Variants in LIN54 observed in about 807,000 individuals in gnomAD.
LIN54 encodes lin-54 DREAM MuvB core complex component, also known as protein lin-54 homolog.
A neutral mutation model predicts 78.7 loss-of-function variants in LIN54; 9 were observed. The ratio of observed to expected loss-of-function variants is 0.11; its 90% CI spans 0.07 to 0.20. The LOEUF (loss-of-function observed/expected upper bound fraction) is 0.20. Ranked by LOEUF, LIN54 falls within the 10% of genes least tolerant of loss-of-function variation. LIN54 has a pLI of 1.00. For missense variants in LIN54, 573 were observed against 889.9 expected, an observed-to-expected ratio of 0.64 and a Z score of 4.53; for synonymous variants, 269 against 318.4, an observed-to-expected ratio of 0.84 and a Z score of 1.65.
chr4:82,989,880 C>T (rs1360181178), intron 1 of LIN54, among the ~76,000 whole-genome samples: 4 of 152,182 alleles, frequency 2.6e-5, no homozygotes, highest in East Asian at 1.9e-4. Context: ...GCTTTGAGGG[C>T]TCCTTAACTC....
chr4:82,986,069 C>T lies in LIN54; in HGVS notation c.-32-1193G>A, dbSNP rs938326937. 4.1e-4 allele frequency among the ~76,000 whole-genome samples: 63 copies of T among 152,014 alleles called. 1 individual carries two copies. The highest frequency in any genetic ancestry group is 4.1e-3 in the Admixed American group (63 of 15,252). On this transcript the variant is annotated intron_variant, in intron 1 of 12. Transcript: ENST00000340417. ...GACTAAATAGCAGTGAGTTATTTGC[C>T]CAGAGAACATCAAAGATCCATAGGA...
In LIN54 at chr4:82,946,349, A is replaced by G. The variant is rs1328025661; in HGVS notation, c.1077T>C (p.His359=). Residue 359 remains histidine (H), a synonymous_variant, in exon 5 of 13, where the codon CAT becomes CAC. Coordinates refer to ENST00000340417, the MANE Select transcript of LIN54 (RefSeq NM_194282.4). The stretch of plus-strand genomic sequence containing the variant: ...ATGTGGCAGTAACAAGTCGGACATA[A>G]TGAAACTTGCTTCCAGGCACTTGAA... The part of the protein sequence containing the change: ...QQIQVPGSKF[H]YVRLVTATSA... 3 of 1,614,088 alleles carry G rather than the reference A, an allele frequency of 1.9e-6. No homozygotes were observed. The highest frequency in any genetic ancestry group is 2.5e-6 in the Non-Finnish European group (3 of 1,180,034).
upstream of LIN54, chr4:83,012,662 G>C (rs898559655): frequency 1.3e-5 from 2 of 151,962 alleles, no homozygotes; most frequent in African/African-American, 4.8e-5. Flanking sequence ...TCCCCGCCAA[G>C]GCCCACCGGC....
At chr4:82,991,083 G>A (rs998755291) in intron 1 of LIN54, among the ~76,000 whole-genome samples, 3 of 150,466 alleles carry the variant, frequency 2.0e-5, no homozygotes, top group Non-Finnish European at 4.4e-5. Flanking sequence ...ATCGCTTGAG[G>A]CCAGAAGTTC....
chr4:82,943,573 T>C (rs1723109607), intron 5 of LIN54, among the ~76,000 whole-genome samples: 2 of 152,122 alleles, frequency 1.3e-5, no homozygotes, highest in Admixed American at 6.5e-5. Flanking sequence ...AGATCTTTTA[T>C]GGGACAGGAG....
intron 1 of LIN54, among the ~76,000 whole-genome samples, chr4:82,999,040 GCCA>G (rs1170822988): frequency 2.0e-5 from 3 of 152,124 alleles, no homozygotes; most frequent in Non-Finnish European, 4.4e-5. Context: ...TAATATTGTA[GCCA>G]CCTCCTGTTG....
intron 1 of LIN54, among the ~76,000 whole-genome samples, chr4:82,997,984 A>C (rs989847697): frequency 1.2e-5 from 1 of 83,088 alleles, no homozygotes; most frequent in African/African-American, 4.8e-5. Context: ...AGAAGAGTGA[A>C]ACTCCATCTC....
intron 4 of LIN54, among the ~76,000 whole-genome samples, chr4:82,961,900 G>A (rs187186742): frequency 1.3e-3 from 192 of 150,948 alleles, no homozygotes; most frequent in African/African-American, 4.6e-3. Context: ...AGGTTGCAGT[G>A]AGCCAAGATG....
rs1240173253 is a variant in LIN54 at position 82,938,518 on chromosome 4, A to C, written c.1441-14T>G. On this transcript the variant is annotated splice_polypyrimidine_tract_variant and intron_variant, in intron 7 of 12. Transcript: ENST00000340417. Reference sequence around the variant, plus strand: ...AGACTGCTGTAGCTACATGTAAAGAAAATTAATTTTAGATCATATTTCCAA... The same window carrying C: ...AGACTGCTGTAGCTACATGTAAAGACAATTAATTTTAGATCATATTTCCAA... The C allele has an allele frequency of 6.7e-7, 1 of 1,491,688 alleles. No individual in the cohort carries two copies. The highest frequency in any genetic ancestry group is 1.7e-5 in the Admixed American group (1 of 57,528). The allele number at this position is 1,491,688 out of a possible 1,614,324, so 92.4% of individuals were successfully genotyped here. A position where few individuals can be genotyped will look rare whatever the true frequency, so the allele number is the denominator to read the frequency against.
chr4:82,975,009 G>A (rs1726044900), intron 3 of LIN54, among the ~76,000 whole-genome samples: 1 of 152,178 alleles, frequency 6.6e-6, no homozygotes, highest in African/African-American at 2.4e-5. Flanking sequence ...GGATGGTGGT[G>A]ATGGTTGTAT....
intron 4 of LIN54, among the ~76,000 whole-genome samples, chr4:82,951,430 G>A (rs1560737567): frequency 6.6e-6 from 1 of 152,106 alleles, no homozygotes; most frequent in Non-Finnish European, 1.5e-5. Context: ...CACAGAAGGA[G>A]TCCAATGATG....
intron 4 of LIN54, among the ~76,000 whole-genome samples, chr4:82,967,603 T>C (rs749810081): frequency 1.6e-4 from 24 of 152,148 alleles, no homozygotes; most frequent in Non-Finnish European, 2.9e-4. Flanking sequence ...AGACGTAGAC[T>C]ACAGGAATGA....
At chr4:83,000,386 T>G (rs1191563190) in intron 1 of LIN54, among the ~76,000 whole-genome samples, 1 of 152,176 alleles carries the variant, frequency 6.6e-6, no homozygotes, top group Non-Finnish European at 1.5e-5. Context: ...TGCTAAACCC[T>G]GAGCCTTGAA....
chr4:83,006,575 A>G (rs945814120), intron 1 of LIN54, among the ~76,000 whole-genome samples: 1 of 151,004 alleles, frequency 6.6e-6, no homozygotes, highest in Admixed American at 6.7e-5. Context: ...AAACCTGCAC[A>G]TGTATGCCTT....
At chr4:82,934,027 A>T (rs748040353) in intron 11 of LIN54, among the ~76,000 whole-genome samples, 1 of 152,186 alleles carries the variant, frequency 6.6e-6, no homozygotes, top group Non-Finnish European at 1.5e-5. Context: ...CGGCTATTTC[A>T]TCAGGTATTC....
chr4:82,991,939 A>G (rs1417198698), intron 1 of LIN54, among the ~76,000 whole-genome samples: 2 of 152,084 alleles, frequency 1.3e-5, no homozygotes, highest in African/African-American at 2.4e-5. Flanking sequence ...TTTTCTTTTC[A>G]TTTTATAGTG....
Position 82,928,999 on chromosome 4 carries a change from C to T in LIN54, c.2049-696G>A, listed in dbSNP as rs570317618. Among the ~76,000 whole-genome samples, 100 of 152,264 alleles carry T rather than the reference C, an allele frequency of 6.6e-4. 1 individual carries two copies. The highest frequency in any genetic ancestry group is 1.6e-3 in the Admixed American group (25 of 15,292). ...TCTTAAAGCCTGTGACAGATTAAGT[C>T]AAGCAACATAATCTAAACCACTAAC... On this transcript the variant is annotated intron_variant, in intron 12 of 12. Coordinates refer to ENST00000340417, the MANE Select transcript of LIN54 (RefSeq NM_194282.4).
upstream of LIN54, among the ~76,000 whole-genome samples, chr4:83,011,321 C>T (rs1018209127): frequency 3.3e-5 from 5 of 152,144 alleles, no homozygotes; most frequent in Non-Finnish European, 7.3e-5. Context: ...GGCAGCAATC[C>T]TCATGCAGAT....
At chr4:82,962,908 AGTTT>A (rs1724920115) in intron 4 of LIN54, among the ~76,000 whole-genome samples, 1 of 152,088 alleles carries the variant, frequency 6.6e-6, no homozygotes, top group Admixed American at 6.5e-5. Context: ...ATCAAAGTTA[AGTTT>A]AAGAACTATT....
Sources: allele counts gnomAD v4.1 joint callset (sites outside exome capture counted in the v4.1 genomes callset), GRCh38; gene constraint gnomAD v4.1.1; transcripts MANE v1.5; gene names NCBI Gene and HGNC (gene_info 2026-07-23, HGNC 2026-07-21).